The following SLC25A26 variants were observed in gnomAD, a reference collection of about 807,000 sequenced individuals.
SLC25A26 encodes solute carrier family 25 member 26.
A neutral mutation model predicts 37.8 loss-of-function variants in SLC25A26; 36 were observed. The observed-to-expected ratio is 0.95, with a 90% CI of 0.73 to 1.26. SLC25A26 has a LOEUF of 1.26. Among genes scored for constraint, SLC25A26 ranks in the 50% most tolerant of loss-of-function variants. The pLI, the probability that SLC25A26 is intolerant of heterozygous loss-of-function variation, is 0.00. For synonymous variants in SLC25A26, 129 were observed against 122.5 expected (o/e 1.05, Z -0.35); for missense variants, 390 against 331.1 (o/e 1.18, Z -1.38).
chr3:66,274,506 C>CA (rs1289400631), intron 5 of SLC25A26, among the ~76,000 whole-genome samples: 2 of 152,132 alleles, frequency 1.3e-5, no homozygotes, highest in Non-Finnish European at 2.9e-5. Flanking sequence ...ACTTATCTGA[C>CA]AAAGGGCTAA....
rs570559459 is a variant in SLC25A26, at chr3:66,306,046, A to G, written c.454-40318A>G. 1.1e-3 allele frequency among the ~76,000 whole-genome samples: 170 copies of G among 151,848 alleles called. 2 individuals are homozygous for G. Among genetic ancestry groups the G allele is most frequent in the African/African-American group, 3.6e-3 (151 of 41,374 alleles). On this transcript the variant is annotated intron_variant, in intron 5 of 9. Coordinates refer to ENST00000354883, the MANE Select transcript of SLC25A26 (RefSeq NM_001379210.1). ...GTTGCCTAGGCTGGAGTGCAGTGGC[A>G]CTAACATGACTCACTTTAACCTCTG...
At chr3:66,149,911 G>A (rs183662943) in intron 1 of SLC25A26, among the ~76,000 whole-genome samples, 6 of 152,262 alleles carry the variant, frequency 3.9e-5, no homozygotes, top group African/African-American at 1.2e-4. Flanking sequence ...GATATGGACA[G>A]GTTAAGTAAT....
chr3:66,215,287 G>A (rs1432506382), intron 1 of SLC25A26, among the ~76,000 whole-genome samples: 1 of 152,000 alleles, frequency 6.6e-6, no homozygotes, highest in African/African-American at 2.4e-5. Flanking sequence ...CTACAGCCTT[G>A]ACCTCTTATC....
intron 5 of SLC25A26, among the ~76,000 whole-genome samples, chr3:66,316,073 C>T (rs1444995201): frequency 6.6e-6 from 1 of 152,148 alleles, no homozygotes; most frequent in African/African-American, 2.4e-5. Flanking sequence ...CTCCAGTTTG[C>T]CATTCTGTGC....
chr3:66,300,747 G>A (rs1030921618), intron 5 of SLC25A26, among the ~76,000 whole-genome samples: 5 of 152,138 alleles, frequency 3.3e-5, no homozygotes, highest in Admixed American at 6.5e-5. Context: ...ATTTTAGACT[G>A]TAGCATATAC....
intron 5 of SLC25A26, among the ~76,000 whole-genome samples, chr3:66,324,625 A>G (rs913304418): frequency 2.6e-5 from 4 of 152,148 alleles, no homozygotes; most frequent in African/African-American, 9.7e-5. Context: ...CTTTATTTCA[A>G]AGTTAAACTC....
At chr3:66,181,218 C>G (rs992868423) in intron 1 of SLC25A26, among the ~76,000 whole-genome samples, 3 of 152,194 alleles carry the variant, frequency 2.0e-5, no homozygotes, top group Non-Finnish European at 2.9e-5. Context: ...TGTGACAAGG[C>G]ATTGGATACA....
chr3:66,342,176 C>T (rs571450556), intron 5 of SLC25A26, among the ~76,000 whole-genome samples: 70 of 152,200 alleles, frequency 4.6e-4, no homozygotes, highest in African/African-American at 1.7e-3. Context: ...GTCCTTGGAT[C>T]CACTCTGCTA....
intron 6 of SLC25A26, among the ~76,000 whole-genome samples, chr3:66,352,909 A>G (rs73095768): frequency 0.058 from 8,824 of 152,214 alleles, 338 homozygotes; most frequent in Non-Finnish European, 0.084. Flanking sequence ...CTCCTCTGTA[A>G]TCATAACACC....
chr3:66,251,166 G>T (rs1400133259), intron 3 of SLC25A26, among the ~76,000 whole-genome samples: 1 of 152,160 alleles, frequency 6.6e-6, no homozygotes, highest in African/African-American at 2.4e-5. Context: ...AGCAGGGGCT[G>T]AGAGCTATAG....
chr3:66,315,228 G>C (rs1291266567), intron 5 of SLC25A26, among the ~76,000 whole-genome samples: 1 of 151,706 alleles, frequency 6.6e-6, no homozygotes, highest in Non-Finnish European at 1.5e-5. Flanking sequence ...CTGTCAGTTT[G>C]AGATCTTTCT....
At position 66,352,421 on chromosome 3, in the gene SLC25A26, G is replaced by GTTTTTT. The variant is rs1379958045; in HGVS notation, c.498+6014_498+6019dup. On this transcript the variant is annotated intron_variant, in intron 6 of 9. Transcript: ENST00000354883. Reference sequence around the variant, plus strand: ...GTGCTGCTGCCTAGCGCCTCCCCTCGTTTTTTGTTTTTTGTTTTTTGTTTT... The same window carrying GTTTTTT: ...GTGCTGCTGCCTAGCGCCTCCCCTCGTTTTTTTTTTTTGTTTTTTGTTTTTTGTTTT... 4.6e-4 allele frequency among the ~76,000 whole-genome samples: 58 copies of GTTTTTT among 126,532 alleles called. 5 individuals are homozygous for GTTTTTT. Among genetic ancestry groups the GTTTTTT allele is most frequent in the African/African-American group, 1.9e-3 (51 of 26,938 alleles). 83.0% of individuals were successfully genotyped at this position (126,532 alleles called of 152,430 possible).
At chr3:66,342,102 A>G (rs911325999) in intron 5 of SLC25A26, among the ~76,000 whole-genome samples, 1 of 152,154 alleles carries the variant, frequency 6.6e-6, no homozygotes, top group Admixed American at 6.5e-5. Flanking sequence ...GGAAATCATC[A>G]TGCAAGAAAA....
At chr3:66,343,968 G>T (rs886314699) in intron 5 of SLC25A26, among the ~76,000 whole-genome samples, 7 of 152,100 alleles carry the variant, frequency 4.6e-5, no homozygotes, top group African/African-American at 1.7e-4. Context: ...ATGGAACTTC[G>T]ACATTCGGGG....
intron 6 of SLC25A26, among the ~76,000 whole-genome samples, chr3:66,348,131 C>T (rs79343039): frequency 1.6e-3 from 236 of 151,508 alleles, no homozygotes; most frequent in Middle Eastern, 6.8e-3. Flanking sequence ...GGAACTTCAA[C>T]AACAACAACA....
chr3:66,291,502 T>G (rs1253741889), intron 5 of SLC25A26, among the ~76,000 whole-genome samples: 1 of 152,204 alleles, frequency 6.6e-6, no homozygotes, highest in Non-Finnish European at 1.5e-5. Context: ...CGGTACGTTG[T>G]GTATTTGCTT....
intron 1 of SLC25A26, among the ~76,000 whole-genome samples, chr3:66,215,338 C>T (rs2071344673): frequency 6.6e-6 from 1 of 152,052 alleles, no homozygotes; most frequent in African/African-American, 2.4e-5. Flanking sequence ...CTAGCTGGGA[C>T]CACAGGCATG....
intron 1 of SLC25A26, among the ~76,000 whole-genome samples, chr3:66,184,062 C>A (rs1181162906): frequency 3.9e-5 from 6 of 152,008 alleles, no homozygotes; most frequent in Non-Finnish European, 1.5e-5. Flanking sequence ...TGAACCCCAC[C>A]CTAAACTTTA....
intron 1 of SLC25A26, among the ~76,000 whole-genome samples, chr3:66,162,707 G>C (rs1395889323): frequency 6.6e-6 from 1 of 152,196 alleles, no homozygotes; most frequent in Non-Finnish European, 1.5e-5. Context: ...CCACTGCTGG[G>C]CGCATGAATG....
Sources: gnomAD v4.1 joint callset for allele counts (sites outside exome capture counted in the v4.1 genomes callset) on GRCh38, gnomAD v4.1.1 for gene constraint, MANE v1.5 for transcripts, NCBI Gene and HGNC (gene_info 2026-07-23, HGNC 2026-07-21) for gene names.